VAV2: variants seen among roughly 807,000 people sequenced by gnomAD.
VAV2 encodes vav guanine nucleotide exchange factor 2.
Under a neutral mutation model 132.5 loss-of-function variants are expected in VAV2, and 67 were observed. That is an observed-to-expected ratio of 0.51 (90% confidence interval 0.42 to 0.62). The LOEUF (loss-of-function observed/expected upper bound fraction) is 0.62, where lower values mean the gene tolerates loss of function less well. Among genes scored for constraint, VAV2 ranks in the 20% least tolerant of loss-of-function variants. The pLI, the probability that VAV2 is intolerant of heterozygous loss-of-function variation, is 0.00. For synonymous variants in VAV2, 492 were observed against 443.5 expected (o/e 1.11, Z -1.37); for missense variants, 938 against 1,153.6 (o/e 0.81, Z 2.71).
At chr9:133,965,282 G>A (rs1206707739) in intron 1 of VAV2, among the ~76,000 whole-genome samples, 2 of 151,744 alleles carry the variant, frequency 1.3e-5, no homozygotes, top group Non-Finnish European at 2.9e-5. Flanking sequence ...GAGGTCAGAA[G>A]TTTGAGACCA....
At chr9:133,893,490 G>A (rs1046237892) in intron 2 of VAV2, among the ~76,000 whole-genome samples, 1 of 152,204 alleles carries the variant, frequency 6.6e-6, no homozygotes, top group African/African-American at 2.4e-5. Flanking sequence ...CCGCACGGCC[G>A]CCTACCAGGG....
chr9:133,770,270 G>A (rs1190722106), intron 27 of VAV2, 108 bp downstream of exon 27: 1 of 1,528,260 alleles, frequency 6.5e-7, no homozygotes, highest in Non-Finnish European at 8.9e-7. Context: ...GTTCCCCAGG[G>A]TGGGACTCCT....
At chr9:133,808,288 G>T (rs555466955) in intron 7 of VAV2, among the ~76,000 whole-genome samples, 85 of 152,362 alleles carry the variant, frequency 5.6e-4, no homozygotes, top group African/African-American at 1.9e-3. Flanking sequence ...GGCAGCAGGA[G>T]GGGGCCCGGC....
intron 1 of VAV2, among the ~76,000 whole-genome samples, chr9:133,966,369 T>C (rs1225525396): frequency 6.6e-6 from 1 of 152,206 alleles, no homozygotes; most frequent in African/African-American, 2.4e-5. Context: ...GGAACAAATC[T>C]GCAAACTATT....
At chr9:133,806,219 C>T in intron 8 of VAV2, 38 bp from the exon 9 acceptor site, 2 of 1,591,916 alleles carry the variant, frequency 1.3e-6, no homozygotes, top group Non-Finnish European at 1.7e-6. Flanking sequence ...TGGCCAGGCC[C>T]ACCCAAGGCT....
intron 1 of VAV2, among the ~76,000 whole-genome samples, chr9:133,977,882 C>T (rs1842564650): frequency 6.6e-6 from 1 of 152,222 alleles, no homozygotes; most frequent in African/African-American, 2.4e-5. Flanking sequence ...CCTCAGGCCT[C>T]TGCCCCTCAG....
chr9:133,812,806 C>T (rs1057290757), intron 4 of VAV2, among the ~76,000 whole-genome samples: 3 of 152,176 alleles, frequency 2.0e-5, no homozygotes, highest in Admixed American at 2.0e-4. Context: ...TTTGTTTTAG[C>T]TCATGGTCCT....
intron 3 of VAV2, among the ~76,000 whole-genome samples, chr9:133,856,306 A>G (rs1432651882): frequency 1.3e-5 from 2 of 152,322 alleles, no homozygotes; most frequent in African/African-American, 4.8e-5. Flanking sequence ...CAATTTTTAC[A>G]AGTCAGAAAG....
At position 133,769,085 on chromosome 9, in the gene VAV2, G is replaced by A. The variant is rs557011119; in HGVS notation, c.2434+332C>T. 1.5e-4 allele frequency among the ~76,000 whole-genome samples: 23 copies of A among 152,312 alleles called. No individual in the cohort carries two copies. The highest frequency in any genetic ancestry group is 4.6e-4 in the Admixed American group (7 of 15,296). ...CACCCAAGTCCCACAGCTCCTCCTC[G>A]TGGCCACCTGCTTTCTGCTACCAGA... On this transcript the variant is annotated intron_variant, in intron 28 of 29. Transcript: ENST00000371850. This position sits in a 1 kb window ranked among gnomAD's most constrained non-coding sequence, Gnocchi z 8.1.
intron 1 of VAV2, among the ~76,000 whole-genome samples, chr9:133,987,753 G>A (rs377124387): frequency 3.2e-4 from 48 of 152,216 alleles, no homozygotes; most frequent in Non-Finnish European, 5.9e-4. Flanking sequence ...CCTCCCAACC[G>A]AAGCTGCTCC....
chr9:133,802,757 C>T lies in VAV2; in HGVS notation c.836+3324G>A, dbSNP rs1048042931. On this transcript the variant is annotated intron_variant, in intron 9 of 29. Transcript: ENST00000371850. This position sits in a 1 kb window ranked among gnomAD's most constrained non-coding sequence, Gnocchi z 5.8. ...CATTTTCCTCATGGTATCACCTCTG[C>T]CTCCAGTCCACACAGCCCCAACCTC... 2.0e-5 allele frequency among the ~76,000 whole-genome samples: 3 copies of T among 151,746 alleles called. No individual in the cohort carries two copies. The highest frequency in any genetic ancestry group is 4.4e-5 in the Non-Finnish European group (3 of 68,024).
intron 1 of VAV2, among the ~76,000 whole-genome samples, chr9:133,980,009 T>C (rs2132286987): frequency 6.6e-6 from 1 of 152,364 alleles, no homozygotes; most frequent in East Asian, 1.9e-4. Context: ...CCTCTGCGGC[T>C]CAATGCCACG....
At position 133,926,937 on chromosome 9, in the gene VAV2, C is replaced by T. The variant is rs902033195; in HGVS notation, c.321+12166G>A. 2.0e-5 allele frequency among the ~76,000 whole-genome samples: 3 copies of T among 152,336 alleles called. No homozygotes were observed. The highest frequency in any genetic ancestry group is 2.1e-4 in the South Asian group (1 of 4,826). On this transcript the variant is annotated intron_variant, in intron 2 of 29. Transcript: ENST00000371850. The surrounding 1 kb of genome is among the most constrained non-coding windows in gnomAD (Gnocchi z 4.3). ...GCACCAGCCCTGGCCACAACTATAG[C>T]AACTCCCCAAACCTCAGCCATCTCA...
At chr9:133,812,912 C>A (rs926150368) in intron 4 of VAV2, among the ~76,000 whole-genome samples, 1 of 152,232 alleles carries the variant, frequency 6.6e-6, no homozygotes, top group Non-Finnish European at 1.5e-5. Flanking sequence ...GTGATCTGGA[C>A]TCTTGCAGAC....
chr9:133,880,462 A>C (rs186825304), intron 2 of VAV2, among the ~76,000 whole-genome samples: 1 of 152,322 alleles, frequency 6.6e-6, no homozygotes, highest in Admixed American at 6.5e-5. Context: ...CGATGGTTTT[A>C]TAAAAGATGC....
At chr9:133,846,063 C>A (rs1391494186) in intron 3 of VAV2, among the ~76,000 whole-genome samples, 2 of 152,228 alleles carry the variant, frequency 1.3e-5, no homozygotes, top group Non-Finnish European at 2.9e-5. Flanking sequence ...AAAGGGAAGG[C>A]CTCACAGGAC....
intron 4 of VAV2, among the ~76,000 whole-genome samples, chr9:133,816,117 T>A (rs1564373926): frequency 6.6e-6 from 1 of 152,234 alleles, no homozygotes; most frequent in African/African-American, 2.4e-5. Flanking sequence ...TCCTGCGTCC[T>A]TACTGTATAC....
chr9:133,863,894 A>T lies in VAV2; in HGVS notation c.322-2462T>A, dbSNP rs1331471566. ...GCAAAGCCGGCCCCATGTGAAACCC[A>T]CTGGCCTGAAAGGTTAGGAGCAGAA... On this transcript the variant is annotated intron_variant, in intron 2 of 29. Coordinates refer to ENST00000371850, the MANE Select transcript of VAV2 (RefSeq NM_001134398.2). This position sits in a 1 kb window ranked among gnomAD's most constrained non-coding sequence, Gnocchi z 5.0. Among the ~76,000 whole-genome samples, 2 of 152,084 alleles carry T rather than the reference A, an allele frequency of 1.3e-5. No individual in the cohort carries two copies. The highest frequency in any genetic ancestry group is 1.9e-4 in the East Asian group (1 of 5,180).
intron 1 of VAV2, among the ~76,000 whole-genome samples, chr9:133,947,517 T>G (rs539291378): frequency 7.3e-4 from 111 of 152,098 alleles, no homozygotes; most frequent in Admixed American, 1.6e-3. Flanking sequence ...CTGACCAACA[T>G]GGTGAAACCT....
Sources: allele counts gnomAD v4.1 joint callset (sites outside exome capture counted in the v4.1 genomes callset), GRCh38; gene constraint gnomAD v4.1.1; non-coding constraint Gnocchi (gnomAD v3.1); transcripts MANE v1.5; gene names NCBI Gene and HGNC (gene_info 2026-07-23, HGNC 2026-07-21).